Variants in HPCA observed in about 807,000 individuals in gnomAD.
HPCA encodes the protein hippocalcin.
A neutral mutation model predicts 18.2 loss-of-function variants in HPCA; 4 were observed. That is an observed-to-expected ratio of 0.22 (90% CI 0.11 to 0.50). HPCA has a LOEUF of 0.50. HPCA is among the 20% of genes least tolerant of loss of function. The pLI, the probability that HPCA is intolerant of heterozygous loss-of-function variation, is 0.97. For missense variants in HPCA, 161 were observed against 265.8 expected (o/e 0.61, Z 2.74); for synonymous variants, 93 against 103.5 (o/e 0.90, Z 0.61).
intron 2 of HPCA, among the ~76,000 whole-genome samples, chr1:32,891,497 G>A (rs766360440): frequency 3.9e-5 from 6 of 152,210 alleles, no homozygotes; most frequent in Non-Finnish European, 8.8e-5. Flanking sequence ...GGGTGTAAAG[G>A]TGTCATCTGG....
chr1:32,893,695 C>G lies in HPCA; in HGVS notation c.484+66C>G. On this transcript the variant is annotated intron_variant, in intron 3 of 3. Coordinates refer to ENST00000373467, the MANE Select transcript of HPCA (RefSeq NM_002143.3). The surrounding 1 kb of genome is among the most constrained non-coding windows in gnomAD (Gnocchi z 7.5). ...CTTTCCCTCCCTCCCTCCCTGCCTC[C>G]CTTTCCCGCTCCGCCTCCCCTCGCT... The G allele has an allele frequency of 6.7e-7, 1 of 1,484,714 alleles. No individual in the cohort carries two copies. Among genetic ancestry groups the G allele is most frequent in the South Asian group, 1.2e-5 (1 of 85,948 alleles). 92.0% of individuals were successfully genotyped at this position (1,484,714 alleles called of 1,614,324 possible).
Position 32,894,043 on chromosome 1 carries a change from C to T in HPCA, c.*181C>T, listed in dbSNP as rs890234006. The T allele has an allele frequency of 1.9e-5, 11 of 591,134 alleles. No individual in the cohort carries two copies. The highest frequency in any genetic ancestry group is 1.7e-4 in the African/African-American group (9 of 53,892). 36.6% of individuals were successfully genotyped at this position (591,134 alleles called of 1,614,324 possible). A position where few individuals can be genotyped will look rare whatever the true frequency, so the allele number is the denominator to read the frequency against. ...GTACCCCCAGGCCAAAGCAAGTAAG[C>T]GGTTAGCACCCCCCAATCCCAGAGG... On this transcript the variant is annotated 3_prime_UTR_variant, in exon 4 of 4. Transcript: ENST00000373467.
chr1:32,891,446 G>C (rs1641452282), intron 2 of HPCA, among the ~76,000 whole-genome samples: 1 of 152,222 alleles, frequency 6.6e-6, no homozygotes, highest in Non-Finnish European at 1.5e-5. Context: ...CTCTGGTGGG[G>C]GAGACAGATG....
Position 32,894,058 on chromosome 1 carries a change from A to G in HPCA, c.*196A>G, listed in dbSNP as rs1419690105. On this transcript the variant is annotated 3_prime_UTR_variant, in exon 4 of 4. Transcript: ENST00000373467. ...AGCAAGTAAGCGGTTAGCACCCCCCAATCCCAGAGGCAACAATAGAGACAC... is the reference window on the plus strand; with the variant it reads ...AGCAAGTAAGCGGTTAGCACCCCCCGATCCCAGAGGCAACAATAGAGACAC... The G allele has an allele frequency of 5.2e-6, 3 of 577,466 alleles. No homozygotes were observed. The highest frequency in any genetic ancestry group is 9.3e-6 in the Non-Finnish European group (3 of 323,332). The allele number at this position is 577,466 out of a possible 1,614,324, so 35.8% of individuals were successfully genotyped here.
In HPCA at chr1:32,893,548, G is replaced by A; in HGVS notation, c.403G>A (p.Val135Met). The change falls in exon 3 of 4, where the codon GTG becomes ATG. Residue 135 changes from valine (V) to methionine (M), a missense_variant. Transcript: ENST00000373467. The surrounding 1 kb of genome is among the most constrained non-coding windows in gnomAD (Gnocchi z 7.5). The stretch of plus-strand genomic sequence containing the variant: ...GGCCATTTACAAGATGGTTTCGTCC[G>A]TGATGAAGATGCCGGAGGACGAGTC... ...VQAIYKMVSS[V>M]MKMPEDESTP... 1 of 1,612,938 alleles carries A rather than the reference G, an allele frequency of 6.2e-7. No individual in the cohort carries two copies. The highest frequency in any genetic ancestry group is 1.1e-5 in the South Asian group (1 of 91,046).
chr1:32,889,361 C>A lies in HPCA; in HGVS notation c.378+85C>A. ...CCCTTTTGATCCTCTCAGCAGACCT[C>A]GTAGGCATGTGGTGGCAGGGGATAT... On this transcript the variant is annotated intron_variant, in intron 2 of 3. Transcript: ENST00000373467. This position sits in a 1 kb window ranked among gnomAD's most constrained non-coding sequence, Gnocchi z 4.6. The A allele has an allele frequency of 1.4e-6, 2 of 1,382,108 alleles. No homozygotes were observed. The highest frequency in any genetic ancestry group is 2.4e-5 in the East Asian group (1 of 42,096). 85.6% of individuals were successfully genotyped at this position (1,382,108 alleles called of 1,614,324 possible).
In HPCA at chr1:32,890,254, A is replaced by G. The variant is rs1204429578; in HGVS notation, c.378+978A>G. Among the ~76,000 whole-genome samples, 4 of 152,186 alleles carry G rather than the reference A, an allele frequency of 2.6e-5. No individual in the cohort carries two copies. The East Asian group carries it at 5.8e-4, about 22-fold the overall frequency. ...GCTTCCAGTTCTGGAAGTGGCCTTC[A>G]ATCTTAGGTTGCTCATCTGTACGCT... On this transcript the variant is annotated intron_variant, in intron 2 of 3. Coordinates refer to ENST00000373467, the MANE Select transcript of HPCA (RefSeq NM_002143.3).
upstream of HPCA, chr1:32,886,180 G>C (rs1641358728): frequency 6.6e-6 from 1 of 152,252 alleles, no homozygotes; most frequent in South Asian, 2.1e-4. This position sits in a 1 kb window ranked among gnomAD's most constrained non-coding sequence, Gnocchi z 7.0. Context: ...TCAGGAGAGA[G>C]ACCTCTTGGC....
intron 1 of HPCA, among the ~76,000 whole-genome samples, chr1:32,888,449 T>C (rs1020966491): frequency 3.9e-5 from 6 of 152,210 alleles, no homozygotes; most frequent in African/African-American, 7.2e-5. Flanking sequence ...TGCACCTCTG[T>C]GGGCAACTCT....
In HPCA at chr1:32,886,529, G is replaced by GCT. The variant is rs1015785132; in HGVS notation, c.-22+16_-22+17dup. On this transcript the variant is annotated intron_variant, in intron 1 of 3. Coordinates refer to ENST00000373467, the MANE Select transcript of HPCA (RefSeq NM_002143.3). This position sits in a 1 kb window ranked among gnomAD's most constrained non-coding sequence, Gnocchi z 7.0. ...CCGCGTCGCTGGGTGAGTGGGGGCA[G>GCT]CTCCAGCCGGGGCCGGGGGATGAGG... 1 of 152,258 alleles carries GCT rather than the reference G, an allele frequency of 6.6e-6. No individual in the cohort carries two copies. The highest frequency in any genetic ancestry group is 1.5e-5 in the Non-Finnish European group (1 of 68,038). 9.4% of individuals were successfully genotyped at this position (152,258 alleles called of 1,614,324 possible). A position where few individuals can be genotyped will look rare whatever the true frequency, so the allele number is the denominator to read the frequency against.
Position 32,893,383 on chromosome 1 carries a change from T to C in HPCA, c.379-141T>C. ...GACACGCCTTCCCGAAGCCCTCGGC[T>C]CCCCACGCCTCCGTGATTCCCCACT... On this transcript the variant is annotated intron_variant, in intron 2 of 3. Transcript: ENST00000373467. The surrounding 1 kb of genome is among the most constrained non-coding windows in gnomAD (Gnocchi z 7.5). 1.6e-6 allele frequency: 1 copy of C among 641,160 alleles called. No individual in the cohort carries two copies. Among genetic ancestry groups the C allele is most frequent in the Non-Finnish European group, 2.8e-6 (1 of 354,720 alleles). 39.7% of individuals were successfully genotyped at this position (641,160 alleles called of 1,614,324 possible).
chr1:32,891,521 A>T (rs190669854), intron 2 of HPCA, among the ~76,000 whole-genome samples: 1 of 152,370 alleles, frequency 6.6e-6, no homozygotes, highest in Admixed American at 6.5e-5. Flanking sequence ...CCAGGGGACT[A>T]CTGAGTGGCA....
Position 32,893,610 on chromosome 1 carries a change from A to G in HPCA, c.465A>G (p.Gln155=). 7.4e-6 allele frequency: 12 copies of G among 1,613,162 alleles called. No individual in the cohort carries two copies. The highest frequency in any genetic ancestry group is 1.0e-5 in the Non-Finnish European group (12 of 1,179,176). Residue 155 remains glutamine, a synonymous_variant, in exon 3 of 4, where the codon CAA becomes CAG. Coordinates refer to ENST00000373467, the MANE Select transcript of HPCA (RefSeq NM_002143.3). The surrounding 1 kb of genome is among the most constrained non-coding windows in gnomAD (Gnocchi z 7.5). ...PEKRTEKIFR[Q]MDTNNDGKLS... ...AGAGGACTGAGAAAATCTTCCGCCA[A>G]ATGGACACAAACAACGACGGTGAGG...
In HPCA at chr1:32,886,696, G is replaced by T. The variant is rs944085806; in HGVS notation, c.-22+181G>T. On this transcript the variant is annotated intron_variant, in intron 1 of 3. Transcript: ENST00000373467. The surrounding 1 kb of genome is among the most constrained non-coding windows in gnomAD (Gnocchi z 7.0). Reference sequence around the variant, plus strand: ...GGTGCTCTCCAGGGTCCTGACCGCCGAGTGGCCGGCCCCTAGGAACCGCGT... The same window carrying T: ...GGTGCTCTCCAGGGTCCTGACCGCCTAGTGGCCGGCCCCTAGGAACCGCGT... Among the ~76,000 whole-genome samples, 1 of 152,074 alleles carries T rather than the reference G, an allele frequency of 6.6e-6. No individual in the cohort carries two copies. Among genetic ancestry groups the T allele is most frequent in the Non-Finnish European group, 1.5e-5 (1 of 67,982 alleles).
intron 1 of HPCA, 58 bp from the exon 2 acceptor site, chr1:32,888,820 C>T: frequency 6.8e-7 from 1 of 1,473,162 alleles, no homozygotes; most frequent in Non-Finnish European, 9.1e-7. Flanking sequence ...GGAGCAGTGT[C>T]TAGTAGCCAG....
In HPCA at chr1:32,889,517, A is replaced by AGT. The variant is rs1315076336; in HGVS notation, c.378+251_378+252dup. Reference sequence around the variant, plus strand: ...TTCCCACAGTTGCTTCATCATTATCAGTGTGTGTGTGCGTGTGTGCACACT... The same window carrying AGT: ...TTCCCACAGTTGCTTCATCATTATCAGTGTGTGTGTGTGCGTGTGTGCACACT... On this transcript the variant is annotated intron_variant, in intron 2 of 3. Transcript: ENST00000373467. The surrounding 1 kb of genome is among the most constrained non-coding windows in gnomAD (Gnocchi z 4.6). Among the ~76,000 whole-genome samples the AGT allele has an allele frequency of 3.9e-5, 6 of 152,196 alleles. No homozygotes were observed. The highest frequency in any genetic ancestry group is 2.9e-5 in the Non-Finnish European group (2 of 68,034).
rs1193326198 is a variant in HPCA, at chr1:32,889,063, C to T, written c.165C>T (p.Phe55=). ...AGTTCAAGAAGATCTACGCCAACTT[C>T]TTTCCCTATGGTGACGCCTCCAAGT... is the stretch of plus-strand genomic sequence containing the variant. The part of the protein sequence containing the change: ...VDEFKKIYAN[F]FPYGDASKFA... The change falls in exon 2 of 4, where the codon TTC becomes TTT. Residue 55 remains phenylalanine, a synonymous_variant. Coordinates refer to ENST00000373467, the MANE Select transcript of HPCA (RefSeq NM_002143.3). The surrounding 1 kb of genome is among the most constrained non-coding windows in gnomAD (Gnocchi z 4.6). 3.1e-6 allele frequency: 5 copies of T among 1,614,152 alleles called. No homozygotes were observed. Among genetic ancestry groups the T allele is most frequent in the Admixed American group, 3.3e-5 (2 of 60,008 alleles).
rs556106678 is a variant in HPCA, at chr1:32,894,323, G to A, written c.*461G>A. ...CCACCCCAGCCCTTGCTGGTCCCTAGGCCAAGCCACCAAGTGAAACCTTCC... is the reference window on the plus strand; with the variant it reads ...CCACCCCAGCCCTTGCTGGTCCCTAAGCCAAGCCACCAAGTGAAACCTTCC... On this transcript the variant is annotated 3_prime_UTR_variant, in exon 4 of 4. Transcript: ENST00000373467. 5.3e-6 allele frequency: 1 copy of A among 189,920 alleles called. No homozygotes were observed. The highest frequency in any genetic ancestry group is 2.3e-5 in the African/African-American group (1 of 42,936). The allele number at this position is 189,920 out of a possible 1,614,324, so 11.8% of individuals were successfully genotyped here. A position where few individuals can be genotyped will look rare whatever the true frequency, so the allele number is the denominator to read the frequency against.
chr1:32,888,958 A>G lies in HPCA; in HGVS notation c.60A>G (p.Thr20=), dbSNP rs763733646. 9.3e-6 allele frequency: 15 copies of G among 1,613,912 alleles called. No homozygotes were observed. The highest frequency in any genetic ancestry group is 8.5e-6 in the Non-Finnish European group (10 of 1,179,952). ...TGTTGCAGGACCTGCGAGAGAACACAGAGTTCTCAGAGCTGGAGCTGCAGG... is the reference window on the plus strand; with the variant it reads ...TGTTGCAGGACCTGCGAGAGAACACGGAGTTCTCAGAGCTGGAGCTGCAGG... The part of the protein sequence containing the change: ...PEMLQDLREN[T]EFSELELQEW... Residue 20 remains threonine (T), a synonymous_variant, in exon 2 of 4, where the codon ACA becomes ACG. Coordinates refer to ENST00000373467, the MANE Select transcript of HPCA (RefSeq NM_002143.3).
Sources: gnomAD v4.1 joint callset for allele counts (sites outside exome capture counted in the v4.1 genomes callset) on GRCh38, gnomAD v4.1.1 for gene constraint, Gnocchi (gnomAD v3.1) non-coding constraint, MANE v1.5 for transcripts, NCBI Gene and HGNC (gene_info 2026-07-23, HGNC 2026-07-21) for gene names.